The following GMDS variants were observed in gnomAD, a reference collection of about 807,000 sequenced individuals.
GMDS encodes GDP-mannose 4,6-dehydratase, also known as GDP-mannose 4,6 dehydratase.
A neutral mutation model predicts 49.9 loss-of-function variants in GMDS; 20 were observed. That is an observed-to-expected ratio of 0.40 (90% confidence interval 0.28 to 0.58). The LOEUF is 0.58. Among genes scored for constraint, GMDS ranks in the 20% least tolerant of loss-of-function variants. The pLI, the probability that GMDS is intolerant of heterozygous loss-of-function variation, is 0.42. For synonymous variants in GMDS, 177 were observed against 178.6 expected (o/e 0.99, Z 0.07); for missense variants, 362 against 481.4 (o/e 0.75, Z 2.32).
chr6:2,070,635 C>A (rs2127458500), intron 4 of GMDS, among the ~76,000 whole-genome samples: 1 of 152,156 alleles, frequency 6.6e-6, no homozygotes, highest in East Asian at 1.9e-4. Context: ...TAGCAAAAGT[C>A]AGATGTCTCA....
At chr6:2,195,728 C>A (rs2127572540) in intron 1 of GMDS, among the ~76,000 whole-genome samples, 1 of 151,572 alleles carries the variant, frequency 6.6e-6, no homozygotes, top group African/African-American at 2.4e-5. Context: ...ATGCCTATAA[C>A]CCCAGCTCTT....
intron 4 of GMDS, among the ~76,000 whole-genome samples, chr6:1,977,820 G>C (rs997386224): frequency 7.9e-5 from 12 of 152,156 alleles, no homozygotes; most frequent in African/African-American, 2.4e-4. Flanking sequence ...GAGCTGTGTG[G>C]AGTCTTGGCA....
chr6:2,100,420 A>T (rs73414524), intron 4 of GMDS, among the ~76,000 whole-genome samples: 19,564 of 152,034 alleles, frequency 0.13, 3,348 homozygotes, highest in African/African-American at 0.39. Flanking sequence ...TAATGTCCTA[A>T]ACATTACAAC....
intron 7 of GMDS, among the ~76,000 whole-genome samples, chr6:1,879,911 A>G (rs757387903): frequency 6.6e-6 from 1 of 152,200 alleles, no homozygotes; most frequent in Non-Finnish European, 1.5e-5. Context: ...CACGACCTAC[A>G]CTGCAAGAAC....
At chr6:2,130,827 AT>A (rs3839608) in intron 1 of GMDS, among the ~76,000 whole-genome samples, 47,674 of 151,948 alleles carry the variant, frequency 0.31, 8,813 homozygotes, top group East Asian at 0.48. Flanking sequence ...TTAAAAAAAA[AT>A]ACTTTCCCCA....
At chr6:2,104,865 C>G (rs2127489365) in intron 4 of GMDS, among the ~76,000 whole-genome samples, 1 of 152,186 alleles carries the variant, frequency 6.6e-6, no homozygotes, top group Non-Finnish European at 1.5e-5. Flanking sequence ...ATCTAAATAT[C>G]TTGCCAAATG....
intron 4 of GMDS, among the ~76,000 whole-genome samples, chr6:2,040,944 T>C (rs1358392238): frequency 6.6e-6 from 1 of 152,252 alleles, no homozygotes; most frequent in Non-Finnish European, 1.5e-5. Context: ...TTCTGAAGAC[T>C]GCCGTGTAAC....
chr6:2,176,409 C>A (rs1435215584), intron 1 of GMDS, among the ~76,000 whole-genome samples: 1 of 152,094 alleles, frequency 6.6e-6, no homozygotes, highest in Non-Finnish European at 1.5e-5. Context: ...AGTTGTTTCA[C>A]ATGTTTGTGA....
intron 1 of GMDS, among the ~76,000 whole-genome samples, chr6:2,152,128 G>A (rs907153720): frequency 2.6e-5 from 4 of 152,070 alleles, no homozygotes; most frequent in African/African-American, 9.7e-5. Context: ...AAATACCTAA[G>A]TCCACATTTT....
chr6:2,044,745 A>G (rs1769898814), intron 4 of GMDS, among the ~76,000 whole-genome samples: 1 of 152,224 alleles, frequency 6.6e-6, no homozygotes, highest in South Asian at 2.1e-4. Flanking sequence ...AGTACAGCAT[A>G]GTTTCAAAGT....
intron 4 of GMDS, among the ~76,000 whole-genome samples, chr6:1,967,010 C>T (rs1764299520): frequency 6.6e-6 from 1 of 152,118 alleles, no homozygotes; most frequent in Admixed American, 6.5e-5. Flanking sequence ...CACACTTATC[C>T]CCCACTACGA....
At chr6:1,991,050 T>C (rs1765906825) in intron 4 of GMDS, among the ~76,000 whole-genome samples, 2 of 152,146 alleles carry the variant, frequency 1.3e-5, no homozygotes, top group Admixed American at 1.3e-4. Context: ...TTGGGTTCTC[T>C]ACCCCTCCTC....
intron 4 of GMDS, among the ~76,000 whole-genome samples, chr6:2,061,914 T>C (rs1362450901): frequency 6.6e-6 from 1 of 152,084 alleles, no homozygotes; most frequent in Non-Finnish European, 1.5e-5. Flanking sequence ...TTACAATACA[T>C]TAAAAGGATT....
chr6:2,157,491 A>C (rs1266825530), intron 1 of GMDS, among the ~76,000 whole-genome samples: 1 of 152,210 alleles, frequency 6.6e-6, no homozygotes, highest in Non-Finnish European at 1.5e-5. Context: ...AAGGACAACT[A>C]ATCTGCTGAC....
chr6:1,629,615 C>T (rs780158061), intron 9 of GMDS, among the ~76,000 whole-genome samples: 2 of 152,142 alleles, frequency 1.3e-5, no homozygotes, highest in Admixed American at 6.5e-5. Flanking sequence ...TGGCAATCAG[C>T]GACGGTGTAG....
intron 4 of GMDS, among the ~76,000 whole-genome samples, chr6:2,104,351 G>A (rs892277865): frequency 6.6e-6 from 1 of 152,176 alleles, no homozygotes; most frequent in African/African-American, 2.4e-5. Context: ...ATCAATAGTA[G>A]CTTTCTTTCT....
At chr6:1,736,709 C>T (rs1767012962) in intron 8 of GMDS, among the ~76,000 whole-genome samples, 1 of 152,314 alleles carries the variant, frequency 6.6e-6, no homozygotes, top group African/African-American at 2.4e-5. Context: ...AAACACACCA[C>T]ATTGAAAGGT....
At chr6:2,019,549 A>C (rs879358871) in intron 4 of GMDS, among the ~76,000 whole-genome samples, 2 of 152,054 alleles carry the variant, frequency 1.3e-5, no homozygotes, top group Admixed American at 1.3e-4. Flanking sequence ...TTCCAGGTTC[A>C]AGTGATTCTC....
At chr6:2,170,767 G>C (rs879131186) in intron 1 of GMDS, among the ~76,000 whole-genome samples, 3 of 152,090 alleles carry the variant, frequency 2.0e-5, no homozygotes, top group African/African-American at 7.2e-5. Context: ...AGGCCGAGGC[G>C]GGTGGATCAC....
Sources: gnomAD v4.1 joint callset for allele counts (sites outside exome capture counted in the v4.1 genomes callset) on GRCh38, gnomAD v4.1.1 for gene constraint, MANE v1.5 for transcripts, NCBI Gene and HGNC (gene_info 2026-07-23, HGNC 2026-07-21) for gene names.